The following CIC variants were observed in gnomAD, a reference collection of about 807,000 sequenced individuals.
CIC encodes protein capicua homolog.
Under a neutral mutation model 115.7 loss-of-function variants are expected in CIC, and 18 were observed. The observed-to-expected ratio is 0.16, with a 90% confidence interval of 0.11 to 0.23. CIC has a LOEUF of 0.23. Among genes scored for constraint, CIC ranks in the 10% least tolerant of loss-of-function variants. The pLI is 1.00. For missense variants in CIC, 2,000 were observed against 2,159.3 expected, an observed-to-expected ratio of 0.93 and a Z score of 1.46; for synonymous variants, 1,076 against 923.0, an observed-to-expected ratio of 1.17 and a Z score of -3.01.
At chr19:42,286,192 G>T (rs1732724075) in intron 2 of CIC, among the ~76,000 whole-genome samples, 1 of 152,212 alleles carries the variant, frequency 6.6e-6, no homozygotes, top group South Asian at 2.1e-4. Flanking sequence ...TGTGTTTGTG[G>T]TGGGGGAGGA....
At chr19:42,294,477 T>C in intron 19 of CIC, 127 bp from the exon 20 acceptor site, 1 of 1,547,616 alleles carries the variant, frequency 6.5e-7, no homozygotes, top group Middle Eastern at 2.3e-4. Context: ...CCTGTGACTG[T>C]GGGCAGGACC....
chr19:42,293,084 C>A lies in CIC; in HGVS notation c.6325C>A (p.Pro2109Thr). The A allele has an allele frequency of 1.2e-6, 2 of 1,610,758 alleles. No homozygotes were observed. Among genetic ancestry groups the A allele is most frequent in the Non-Finnish European group, 1.7e-6 (2 of 1,179,130 alleles). Residue 2109 changes from proline (P) to threonine (T), a missense_variant, in exon 16 of 21, where the codon CCT becomes ACT. By Grantham distance (38) the Pro-to-Thr change is conservative. Around this residue, in one of 8 missense-constraint regions of CIC, gnomAD observed 1,466 missense variants for 1,390.4 expected, o/e 1.05. Coordinates refer to ENST00000681038, the MANE Select transcript of CIC (RefSeq NM_001386298.1). ...CTTTGAGGCAGGTGCCTCTGGGCGG[C>A]CTGGCCCTGCACCCCGGCAGCCTCT... ...GSFEAGASGRPGPAPRQPLEP... is the reference protein window; with the variant it reads ...GSFEAGASGRTGPAPRQPLEP...
Position 42,293,581 on chromosome 19 carries a change from C to T in CIC, c.6523-11C>T, listed in dbSNP as rs2038307220. On this transcript the variant is annotated splice_polypyrimidine_tract_variant and intron_variant, in intron 16 of 20. Transcript: ENST00000681038. ...CAGTGTTCGCCATCTCCCTGCCCATCTCCACCCCAGGCCAGCAAATTCCCC... is the reference window on the plus strand; with the variant it reads ...CAGTGTTCGCCATCTCCCTGCCCATTTCCACCCCAGGCCAGCAAATTCCCC... The T allele has an allele frequency of 3.7e-6, 6 of 1,613,708 alleles. No homozygotes were observed. Among genetic ancestry groups the T allele is most frequent in the South Asian group, 2.2e-5 (2 of 91,086 alleles).
Position 42,293,688 on chromosome 19 carries a change from G to A in CIC, c.6619G>A (p.Ala2207Thr). The part of the protein sequence containing the change: ...EPPTPPSPAP[A>T]PAVAPGGSSE... ...TCCCACTCCTCCCAGCCCGGCCCCA[G>A]CTCCAGCTGTAGCCCCTGGTGGCAG... is the stretch of plus-strand genomic sequence containing the variant. Residue 2207 changes from alanine (A) to threonine (T), a missense_variant, in exon 17 of 21, where the codon GCT becomes ACT. Ala to Thr is a moderately conservative substitution (Grantham distance 58, BLOSUM62 0). Transcript: ENST00000681038. The A allele has an allele frequency of 1.2e-6, 2 of 1,612,840 alleles. No individual in the cohort carries two copies. The highest frequency in any genetic ancestry group is 1.7e-6 in the Non-Finnish European group (2 of 1,179,742).
chr19:42,292,998 G>A lies in CIC; in HGVS notation c.6239G>A (p.Arg2080Gln), dbSNP rs2038253762. 8 of 1,613,442 alleles carry A rather than the reference G, an allele frequency of 5.0e-6. No homozygotes were observed. In the Admixed American group the frequency reaches 5.0e-5, roughly 10 times the overall value. The stretch of plus-strand genomic sequence containing the variant: ...AGCTTAGTGGCCCCCAAGGCCCAGC[G>A]GCCCAGCCCGAAGGCCCCCCAGAAA... ...TYSLVAPKAQ[R>Q]PSPKAPQKVK... The change falls in exon 16 of 21, where the codon CGG (arginine) becomes CAG (glutamine). Residue 2080 changes from arginine to glutamine, a missense_variant. Physicochemically the swap from Arg to Gln is conservative, Grantham distance 43. Coordinates refer to ENST00000681038, the MANE Select transcript of CIC (RefSeq NM_001386298.1).
chr19:42,288,052 C>A, intron 7 of CIC, 77 bp downstream of exon 7: 1 of 1,497,758 alleles, frequency 6.7e-7, no homozygotes, highest in Non-Finnish European at 9.1e-7. Context: ...GCTTGCTCCT[C>A]CCCTGCCCCA....
In CIC at chr19:42,289,339, T is replaced by C. The variant is rs1164487183; in HGVS notation, c.4020T>C (p.Ser1340=). 1 of 1,613,756 alleles carries C rather than the reference T, an allele frequency of 6.2e-7. No homozygotes were observed. The change falls in exon 9 of 21, where the codon AGT becomes AGC. Residue 1340 remains serine, a synonymous_variant. Coordinates refer to ENST00000681038, the MANE Select transcript of CIC (RefSeq NM_001386298.1). The part of the protein sequence containing the change: ...TRASRSQRAA[S]EDMTSDEERM... ...CTTCTCGTTCTCAGCGTGCGGCCAGTGAGGACATGACGAGTGATGAGGAGC... is the reference window on the plus strand; with the variant it reads ...CTTCTCGTTCTCAGCGTGCGGCCAGCGAGGACATGACGAGTGATGAGGAGC...
rs984722486 is a variant in CIC at position 42,274,955 on chromosome 19, T to G, written c.2794+378T>G. 2.0e-5 allele frequency among the ~76,000 whole-genome samples: 3 copies of G among 152,108 alleles called. No homozygotes were observed. In the South Asian group the frequency reaches 6.2e-4, roughly 32 times the overall value. Reference sequence around the variant, plus strand: ...TGCCATGGTAAGCACTGCGTGTAGGTGAGCTTGCCAAATTTTCACATCCAC... The same window carrying G: ...TGCCATGGTAAGCACTGCGTGTAGGGGAGCTTGCCAAATTTTCACATCCAC... On this transcript the variant is annotated intron_variant, in intron 2 of 20. Transcript: ENST00000681038.
In CIC at chr19:42,290,919, G is replaced by T. The variant is rs764835388; in HGVS notation, c.4878G>T (p.Val1626=). ...ARTEMGTGSR[V]PGGSPLGVSL... ...CTGAAATGGGCACTGGGTCTCGGGT[G>T]CCTGGGGGCTCCCCGCTGGGTGTCA... The change falls in exon 11 of 21, where the codon GTG becomes GTT. Residue 1626 remains valine (V), a synonymous_variant. Transcript: ENST00000681038. 2 of 1,613,452 alleles carry T rather than the reference G, an allele frequency of 1.2e-6. No individual in the cohort carries two copies. Among genetic ancestry groups the T allele is most frequent in the African/African-American group, 1.3e-5 (1 of 74,936 alleles).
chr19:42,284,307 C>G (rs1276463400), intron 2 of CIC: 10 of 146,166 alleles, frequency 6.8e-5, no homozygotes, highest in Admixed American at 2.0e-4. Flanking sequence ...GGGGCCGCCC[C>G]CGCGCACGCG....
rs777147072 is a variant in CIC at position 42,292,376 on chromosome 19, G to A, written c.5812G>A (p.Val1938Ile). ...CCCTGCGTCCAGCCAGGCTGGAACA[G>A]TCACCTCGTACGGGCCCACGAGCTC... ...TSPASSQAGT[V>I]TSYGPTSSVA... The change falls in exon 14 of 21, where the codon GTC becomes ATC. Residue 1938 changes from valine to isoleucine, a missense_variant. Coordinates refer to ENST00000681038, the MANE Select transcript of CIC (RefSeq NM_001386298.1). The A allele has an allele frequency of 2.5e-6, 4 of 1,612,872 alleles. No individual in the cohort carries two copies. The highest frequency in any genetic ancestry group is 3.4e-6 in the Non-Finnish European group (4 of 1,179,834).
intron 1 of CIC, among the ~76,000 whole-genome samples, chr19:42,269,783 G>T (rs1035508443): frequency 2.0e-5 from 3 of 151,788 alleles, no homozygotes; most frequent in African/African-American, 7.3e-5. Context: ...GGGGCCTAGG[G>T]CATTTTAACC....
At chr19:42,288,641 C>T (rs1409100039) in intron 7 of CIC, among the ~76,000 whole-genome samples, 2 of 152,174 alleles carry the variant, frequency 1.3e-5, no homozygotes, top group Non-Finnish European at 2.9e-5. Flanking sequence ...GAACCTCTCT[C>T]CAGGCCTCCT....
chr19:42,292,840 C>T lies in CIC; in HGVS notation c.6177C>T (p.Ser2059=). The change falls in exon 15 of 21, where the codon AGC becomes AGT. Residue 2059 remains serine, a synonymous_variant. Transcript: ENST00000681038. ...CCACTGCCACCCCAGCCCCGACTAG[C>T]CCTTTCCCCAGCGCCACAGGTAGGT... ...APATATPAPT[S]PFPSATAGSM... 6.2e-7 allele frequency: 1 copy of T among 1,613,966 alleles called. No individual in the cohort carries two copies. Among genetic ancestry groups the T allele is most frequent in the Non-Finnish European group, 8.5e-7 (1 of 1,180,018 alleles).
chr19:42,293,615 T>G lies in CIC; in HGVS notation c.6546T>G (p.Ser2182=), dbSNP rs751689917. The change falls in exon 17 of 21, where the codon TCT becomes TCG. Residue 2182 remains serine, a synonymous_variant. Coordinates refer to ENST00000681038, the MANE Select transcript of CIC (RefSeq NM_001386298.1). The part of the protein sequence containing the change: ...ETMASKFPSS[S]SDWRVPGQGL... ...AGGCCAGCAAATTCCCCAGCTCATC[T>G]TCAGACTGGCGCGTCCCTGGGCAGG... 6.8e-6 allele frequency: 11 copies of G among 1,613,738 alleles called. No individual in the cohort carries two copies. In the East Asian group the frequency reaches 1.6e-4, roughly 23 times the overall value.
In CIC at chr19:42,292,187, C is replaced by T. The variant is rs765545472; in HGVS notation, c.5715C>T (p.Val1905=). The T allele has an allele frequency of 6.2e-7, 1 of 1,614,066 alleles. No individual in the cohort carries two copies. The highest frequency in any genetic ancestry group is 1.1e-5 in the South Asian group (1 of 91,092). ...GACCCACCTCTCAGCCTCAGAAGGTCCTGTTGCCCTCCTCCACCAGGTAAT... is the reference window on the plus strand; with the variant it reads ...GACCCACCTCTCAGCCTCAGAAGGTTCTGTTGCCCTCCTCCACCAGGTAAT... The part of the protein sequence containing the change: ...LPGPTSQPQK[V]LLPSSTRITY... The change falls in exon 13 of 21, where the codon GTC becomes GTT. Residue 1905 remains valine (V), a synonymous_variant. Transcript: ENST00000681038.
intron 2 of CIC, among the ~76,000 whole-genome samples, chr19:42,277,793 A>G (rs2037043625): frequency 6.6e-6 from 1 of 152,164 alleles, no homozygotes; most frequent in Non-Finnish European, 1.5e-5. Context: ...TCCAGTGCCT[A>G]TCCTGGCAGT....
At position 42,294,095 on chromosome 19, in the gene CIC, C is replaced by T. The variant is rs2038346997; in HGVS notation, c.6922+6C>T. The T allele has an allele frequency of 2.5e-6, 4 of 1,613,450 alleles. No individual in the cohort carries two copies. Among genetic ancestry groups the T allele is most frequent in the South Asian group, 1.1e-5 (1 of 91,094 alleles). ...GAAGAGGAAGAACTCCACGGGTAGG[C>T]GAGCATTGGGCACCCAGGGTCCTTA... On this transcript the variant is annotated splice_donor_region_variant and intron_variant, in intron 18 of 20. Transcript: ENST00000681038.
Position 42,295,088 on chromosome 19 carries a change from T to A in CIC, c.7451T>A (p.Leu2484Gln). Residue 2484 changes from leucine (L) to glutamine (Q), a missense_variant, in exon 21 of 21, where the codon CTG (leucine) becomes CAG (glutamine). By Grantham distance (113) the Leu-to-Gln change is moderately radical. Coordinates refer to ENST00000681038, the MANE Select transcript of CIC (RefSeq NM_001386298.1). ...DSGTAQAAPPLPPPPESGPGQ... is the reference protein window; with the variant it reads ...DSGTAQAAPPQPPPPESGPGQ... ...GGCACGGCCCAGGCTGCCCCGCCAC[T>A]GCCTCCACCCCCAGAGTCGGGGCCT... is the stretch of plus-strand genomic sequence containing the variant. The A allele has an allele frequency of 6.5e-7, 1 of 1,527,036 alleles. No individual in the cohort carries two copies. Among genetic ancestry groups the A allele is most frequent in the East Asian group, 2.5e-5 (1 of 40,714 alleles). 94.6% of individuals were successfully genotyped at this position (1,527,036 alleles called of 1,614,324 possible). A position where few individuals can be genotyped will look rare whatever the true frequency, so the allele number is the denominator to read the frequency against.
Sources: gnomAD v4.1 joint callset for allele counts (sites outside exome capture counted in the v4.1 genomes callset) on GRCh38, gnomAD v4.1.1 for gene constraint, gnomAD v4.1.1 regional missense constraint, MANE v1.5 for transcripts, NCBI Gene and HGNC (gene_info 2026-07-23, HGNC 2026-07-21) for gene names.